The following ADH5 variants were observed in gnomAD, a reference collection of about 807,000 sequenced individuals.
The protein encoded by ADH5 is alcohol dehydrogenase 5 (class III), chi polypeptide.
ADH5 carries 32 observed loss-of-function variants against 40.3 expected under a neutral mutation model. The observed-to-expected ratio is 0.79, with a 90% CI of 0.60 to 1.07. The LOEUF (loss-of-function observed/expected upper bound fraction) is 1.07, where lower values mean the gene tolerates loss of function less well. Ranked by LOEUF, ADH5 falls within the 50% of genes least tolerant of loss-of-function variation. ADH5 has a pLI of 0.00. For missense variants in ADH5, 353 were observed against 460.5 expected, an observed-to-expected ratio of 0.77 and a Z score of 2.14; for synonymous variants, 125 against 154.3, an observed-to-expected ratio of 0.81 and a Z score of 1.41.
At chr4:99,084,965 G>C in intron 2 of ADH5, 150 bp downstream of exon 2, 1 of 412,752 alleles carries the variant, frequency 2.4e-6, no homozygotes, top group South Asian at 1.1e-4. Context: ...ATAAGAGAAG[G>C]ATGTTGTGAT....
intron 5 of ADH5, 26 bp from the exon 6 acceptor site, chr4:99,076,578 T>C: frequency 6.2e-7 from 1 of 1,605,750 alleles, no homozygotes; most frequent in South Asian, 1.1e-5. Flanking sequence ...GTTTATAAAG[T>C]ACTCATTCTA....
At position 99,085,083 on chromosome 4, in the gene ADH5, T is replaced by C. The variant is rs866161629; in HGVS notation, c.114+32A>G. On this transcript the variant is annotated intron_variant, in intron 2 of 8. Coordinates refer to ENST00000296412, the MANE Select transcript of ADH5 (RefSeq NM_000671.4). ...CTATCCAGAGACCTCATTGTGTCTCTTTTTTTCCCAGTGCCTTAAATGTAT... is the reference window on the plus strand; with the variant it reads ...CTATCCAGAGACCTCATTGTGTCTCCTTTTTTCCCAGTGCCTTAAATGTAT... 1.1e-5 allele frequency: 14 copies of C among 1,224,400 alleles called. No individual in the cohort carries two copies. The Middle Eastern group carries it at 1.3e-3, about 112-fold the overall frequency. The allele number at this position is 1,224,400 out of a possible 1,614,324, so 75.8% of individuals were successfully genotyped here.
rs1452487904 is a variant in ADH5 at position 99,075,056 on chromosome 4, G to T, written c.826-7C>A. 6.3e-7 allele frequency: 1 copy of T among 1,595,216 alleles called. No individual in the cohort carries two copies. Among genetic ancestry groups the T allele is most frequent in the Non-Finnish European group, 8.6e-7 (1 of 1,169,374 alleles). ...ATGCCTCAAGTGCTGCTCTCTGCAG[G>T]CACAGAGATATGACCAAATCACAGA... On this transcript the variant is annotated splice_polypyrimidine_tract_variant and splice_region_variant and intron_variant, in intron 6 of 8. Transcript: ENST00000296412.
chr4:99,081,333 G>A, intron 4 of ADH5, 32 bp downstream of exon 4: 2 of 1,352,384 alleles, frequency 1.5e-6, no homozygotes, highest in Admixed American at 1.9e-5. Flanking sequence ...CGCAGCACTT[G>A]TGTTTTAAGA....
intron 4 of ADH5, among the ~76,000 whole-genome samples, chr4:99,078,088 G>C (rs1038916011): frequency 6.6e-6 from 1 of 151,884 alleles, no homozygotes; most frequent in African/African-American, 2.4e-5. Flanking sequence ...TGCTTTTTTT[G>C]AGACAGCCCA....
At chr4:99,079,144 C>G (rs996202432) in intron 4 of ADH5, among the ~76,000 whole-genome samples, 22 of 152,160 alleles carry the variant, frequency 1.4e-4, no homozygotes, top group Non-Finnish European at 1.8e-4. Context: ...ATTATAATCT[C>G]AAGAAAATGC....
In ADH5 at chr4:99,083,115, G is replaced by A. The variant is rs572636483; in HGVS notation, c.115-999C>T. ...TACCTGTCTGCAGTTTTGCAGGGAA[G>A]ATGGCTGTACTCATTGTGTCCATAC... is the stretch of plus-strand genomic sequence containing the variant. On this transcript the variant is annotated intron_variant, in intron 2 of 8. Transcript: ENST00000296412. Among the ~76,000 whole-genome samples, 41 of 152,340 alleles carry A rather than the reference G, an allele frequency of 2.7e-4. 1 individual carries two copies. The highest frequency in any genetic ancestry group is 5.1e-4 in the Non-Finnish European group (35 of 68,040).
chr4:99,079,469 T>G (rs190942240), intron 4 of ADH5, among the ~76,000 whole-genome samples: 1 of 152,014 alleles, frequency 6.6e-6, no homozygotes, highest in African/African-American at 2.4e-5. Context: ...AAGAGGGAGG[T>G]AGGTTCTGAC....
chr4:99,074,876 CA>C (rs1209205597), intron 7 of ADH5, 37 bp downstream of exon 7: 9 of 1,550,294 alleles, frequency 5.8e-6, no homozygotes, highest in Middle Eastern at 2.2e-4. Context: ...ATGCAACTAA[CA>C]AAAGAGAAAA....
In ADH5 at chr4:99,076,424, C is replaced by G; in HGVS notation, c.693G>C (p.Arg231Ser). 8 of 1,614,132 alleles carry G rather than the reference C, an allele frequency of 5.0e-6. No homozygotes were observed. The highest frequency in any genetic ancestry group is 6.8e-6 in the Non-Finnish European group (8 of 1,180,030). ...ATTCAGTGGCTCCAAACTCTTTGGC[C>G]CTTGCAAATTTATCTTTATTGATGT... is the stretch of plus-strand genomic sequence containing the variant. ...GVDINKDKFA[R>S]AKEFGATECI... The change falls in exon 6 of 9, where the codon AGG becomes AGC. Residue 231 changes from arginine to serine, a missense_variant. Physicochemically the swap from Arg to Ser is moderately radical, Grantham distance 110. Coordinates refer to ENST00000296412, the MANE Select transcript of ADH5 (RefSeq NM_000671.4).
intron 4 of ADH5, among the ~76,000 whole-genome samples, chr4:99,079,053 A>T (rs1174701035): frequency 6.6e-6 from 1 of 152,228 alleles, no homozygotes; most frequent in Non-Finnish European, 1.5e-5. Flanking sequence ...AAACAAATGG[A>T]TCTCCCATAC....
intron 1 of ADH5, among the ~76,000 whole-genome samples, chr4:99,088,439 C>CGGGGGGGGGGGGGG (rs1728193697): frequency 1.4e-5 from 2 of 140,532 alleles, no homozygotes; most frequent in African/African-American, 2.8e-5. Context: ...CTCTCCGGCT[C>CGGGGGGGGGGGGGG]TCCCACCCCC....
At position 99,085,216 on chromosome 4, in the gene ADH5, C is replaced by T. The variant is rs777475935; in HGVS notation, c.13G>A (p.Val5Ile). Residue 5 changes from valine to isoleucine, a missense_variant and splice_region_variant, in exon 2 of 9, where the codon GTT becomes ATT. Val to Ile is a conservative substitution (Grantham distance 29). Coordinates refer to ENST00000296412, the MANE Select transcript of ADH5 (RefSeq NM_000671.4). ...GCAACTGCAGCCTTGCACTTGATAA[C>T]CTGAAGTGGGGAAAAAAGGGAATAA... Reference protein sequence around the residue: MANEVIKCKAAVAWE... With the variant: MANEIIKCKAAVAWE... 65 of 1,478,996 alleles carry T rather than the reference C, an allele frequency of 4.4e-5. No homozygotes were observed. In the South Asian group the frequency reaches 7.1e-4, roughly 16 times the overall value. 91.6% of individuals were successfully genotyped at this position (1,478,996 alleles called of 1,614,324 possible).
intron 2 of ADH5, among the ~76,000 whole-genome samples, chr4:99,083,929 T>C (rs1728077119): frequency 6.6e-6 from 1 of 152,120 alleles, no homozygotes; most frequent in Non-Finnish European, 1.5e-5. Flanking sequence ...TCTCCAAGGG[T>C]AACATCATTT....
Position 99,072,270 on chromosome 4 carries a change from T to C in ADH5, c.*147A>G, listed in dbSNP as rs1727848341. On this transcript the variant is annotated 3_prime_UTR_variant, in exon 9 of 9. Transcript: ENST00000296412. The stretch of plus-strand genomic sequence containing the variant: ...ACTGAATTATCCTTGTCCTTGATTA[T>C]AGAGATTCATGAATGACACACATAA... 3 of 640,800 alleles carry C rather than the reference T, an allele frequency of 4.7e-6. No homozygotes were observed. Among genetic ancestry groups the C allele is most frequent in the South Asian group, 2.6e-5 (1 of 38,020 alleles). The allele number at this position is 640,800 out of a possible 1,614,324, so 39.7% of individuals were successfully genotyped here.
At chr4:99,081,222 G>A (rs934442862) in intron 4 of ADH5, 143 bp downstream of exon 4, 3 of 456,116 alleles carry the variant, frequency 6.6e-6, no homozygotes, top group Non-Finnish European at 1.2e-5. Context: ...CTCTTTGTTC[G>A]GGACTCAGTC....
chr4:99,076,392 T>C lies in ADH5; in HGVS notation c.725A>G (p.Asn242Ser). The change falls in exon 6 of 9, where the codon AAC becomes AGC. Residue 242 changes from asparagine to serine, a missense_variant. Physicochemically the swap from Asn to Ser is conservative, Grantham distance 46 (BLOSUM62 1). Coordinates refer to ENST00000296412, the MANE Select transcript of ADH5 (RefSeq NM_000671.4). Reference protein sequence around the residue: ...AKEFGATECINPQDFSKPIQE... With the variant: ...AKEFGATECISPQDFSKPIQE... ...GATGGGTTTACTAAAATCCTGAGGG[T>C]TAATACATTCAGTGGCTCCAAACTC... is the stretch of plus-strand genomic sequence containing the variant. 5 of 1,614,154 alleles carry C rather than the reference T, an allele frequency of 3.1e-6. No individual in the cohort carries two copies. Among genetic ancestry groups the C allele is most frequent in the Non-Finnish European group, 4.2e-6 (5 of 1,180,026 alleles).
intron 2 of ADH5, among the ~76,000 whole-genome samples, chr4:99,083,787 A>G (rs909911694): frequency 1.3e-5 from 2 of 152,048 alleles, no homozygotes; most frequent in African/African-American, 4.8e-5. Context: ...TAGAATGTTA[A>G]TGATCACTAC....
In ADH5 at chr4:99,076,940, G is replaced by C. The variant is rs766462676; in HGVS notation, c.345-17C>G. 86 of 1,573,002 alleles carry C rather than the reference G, an allele frequency of 5.5e-5. No individual in the cohort carries two copies. Among genetic ancestry groups the C allele is most frequent in the Non-Finnish European group, 7.3e-5 (84 of 1,157,946 alleles). On this transcript the variant is annotated splice_polypyrimidine_tract_variant and intron_variant, in intron 4 of 8. Transcript: ENST00000296412. ...TGAGTGACTCTAAAGAAAAAAAAAGGAAAAAGGCAAGTTGGAATTAGGTTT... is the reference window on the plus strand; with the variant it reads ...TGAGTGACTCTAAAGAAAAAAAAAGCAAAAAGGCAAGTTGGAATTAGGTTT...
Sources: gnomAD v4.1 joint callset for allele counts (sites outside exome capture counted in the v4.1 genomes callset) on GRCh38, gnomAD v4.1.1 for gene constraint, MANE v1.5 for transcripts, NCBI Gene and HGNC (gene_info 2026-07-23, HGNC 2026-07-21) for gene names.